CFAP58: variants seen among roughly 807,000 people sequenced by gnomAD.
CFAP58 encodes the protein cilia- and flagella-associated protein 58.
In CFAP58, 88 loss-of-function variants were observed where a neutral mutation model predicts 119.5. The observed-to-expected ratio is 0.74, with a 90% confidence interval of 0.62 to 0.88. The LOEUF (loss-of-function observed/expected upper bound fraction) is 0.88, where lower values mean the gene tolerates loss of function less well. Ranked by LOEUF, CFAP58 falls within the 40% of genes least tolerant of loss-of-function variation. The probability of loss-of-function intolerance (pLI) is 0.00; values close to 1 mark genes in which losing one functional copy is unlikely to be tolerated. For missense variants in CFAP58, 990 were observed against 1,021.2 expected, an observed-to-expected ratio of 0.97 and a Z score of 0.42; for synonymous variants, 365 against 366.3, an observed-to-expected ratio of 1.00 and a Z score of 0.04.
At chr10:104,450,324 A>C in intron 17 of CFAP58, 120 bp downstream of exon 17, 2 of 1,026,568 alleles carry the variant, frequency 1.9e-6, no homozygotes, top group East Asian at 2.4e-5. Flanking sequence ...CAGGGTAAAC[A>C]AATGACATTC....
chr10:104,350,554 C>T (rs569425684), upstream of CFAP58, among the ~76,000 whole-genome samples: 18 of 152,186 alleles, frequency 1.2e-4, no homozygotes, highest in South Asian at 8.3e-4. Flanking sequence ...ACATGTCACG[C>T]GCCTTTCTAC....
At chr10:104,430,992 TGGCTA>T (rs1266641245) in intron 15 of CFAP58, among the ~76,000 whole-genome samples, 12 of 152,322 alleles carry the variant, frequency 7.9e-5, no homozygotes, top group Middle Eastern at 3.4e-3. Flanking sequence ...TAGCCACGGG[TGGCTA>T]GTGGCTACCA....
At chr10:104,344,226 A>C in the CFAP58 span, among the ~76,000 whole-genome samples, 8 of 152,238 alleles carry the variant, frequency 5.3e-5, no homozygotes, top group Non-Finnish European at 1.0e-4. Context: ...GTTAATGTCT[A>C]AAGATGGTAC....
At chr10:104,428,875 G>A (rs1050333183) in intron 15 of CFAP58, among the ~76,000 whole-genome samples, 4 of 152,186 alleles carry the variant, frequency 2.6e-5, no homozygotes, top group African/African-American at 9.7e-5. Context: ...CTTAGATCAG[G>A]CCATCTGCCG....
In CFAP58 at chr10:104,372,496, G is replaced by C. The variant is rs374274040; in HGVS notation, c.1090+1442G>C. 3.4e-4 allele frequency among the ~76,000 whole-genome samples: 52 copies of C among 152,260 alleles called. 1 individual carries two copies. Among genetic ancestry groups the C allele is most frequent in the African/African-American group, 1.2e-3 (48 of 41,552 alleles). ...TTATCTCAACAGTTTCTCTGTTCAT[G>C]CATTCAGTAAATCAAACCCAGACTA... On this transcript the variant is annotated intron_variant, in intron 7 of 17. Coordinates refer to ENST00000369704, the MANE Select transcript of CFAP58 (RefSeq NM_001008723.2).
chr10:104,357,989 A>G (rs2014606556), intron 1 of CFAP58, among the ~76,000 whole-genome samples: 1 of 143,084 alleles, frequency 7.0e-6, no homozygotes, highest in African/African-American at 2.7e-5. Context: ...ATATGTACAC[A>G]TATATGTACA....
intron 15 of CFAP58, among the ~76,000 whole-genome samples, chr10:104,439,881 G>C (rs189587366): frequency 0.012 from 1,756 of 152,164 alleles, 25 homozygotes; most frequent in Middle Eastern, 0.038. Flanking sequence ...GTGCAGTGGC[G>C]CGATCTCGGC....
rs146505853 is a variant in CFAP58, at chr10:104,361,912, A to G, written c.292-111A>G. ...TAGCTCATGTTAAACAATTTAGTCAATGCACATTTATATAACTACACTGTG... is the reference window on the plus strand; with the variant it reads ...TAGCTCATGTTAAACAATTTAGTCAGTGCACATTTATATAACTACACTGTG... On this transcript the variant is annotated intron_variant, in intron 2 of 17. Transcript: ENST00000369704. 487 of 1,009,844 alleles carry G rather than the reference A, an allele frequency of 4.8e-4. 3 individuals carry two copies. In the African/African-American group the frequency reaches 7.0e-3, roughly 14 times the overall value. 62.6% of individuals were successfully genotyped at this position (1,009,844 alleles called of 1,614,324 possible).
rs745469569 is a variant in CFAP58, at chr10:104,365,998, A to G, written c.782A>G (p.Lys261Arg). The G allele has an allele frequency of 6.3e-7, 1 of 1,599,156 alleles. No individual in the cohort carries two copies. Among genetic ancestry groups the G allele is most frequent in the South Asian group, 1.1e-5 (1 of 88,424 alleles). The change falls in exon 5 of 18, where the codon AAG (lysine) becomes AGG (arginine). Residue 261 changes from lysine (K) to arginine (R), a missense_variant. Lys to Arg is a conservative substitution (Grantham distance 26). Coordinates refer to ENST00000369704, the MANE Select transcript of CFAP58 (RefSeq NM_001008723.2). ...CTTCAGAAGCTGGAGCAGCAGCTGAAGGAGCAGAAGGTGAGTTGGGTGTGG... is the reference window on the plus strand; with the variant it reads ...CTTCAGAAGCTGGAGCAGCAGCTGAGGGAGCAGAAGGTGAGTTGGGTGTGG... Reference protein sequence around the residue: ...EELQKLEQQLKEQKILNERAA... With the variant: ...EELQKLEQQLREQKILNERAA...
chr10:104,437,258 G>T (rs899253045), intron 15 of CFAP58, among the ~76,000 whole-genome samples: 5 of 152,224 alleles, frequency 3.3e-5, no homozygotes, highest in Non-Finnish European at 5.9e-5. Context: ...ATCTAAAAGT[G>T]AGAGCTGCTG....
chr10:104,433,037 G>T (rs1043363860), intron 15 of CFAP58, among the ~76,000 whole-genome samples: 3 of 152,184 alleles, frequency 2.0e-5, no homozygotes, highest in Non-Finnish European at 4.4e-5. Flanking sequence ...CTAAACCAAT[G>T]AAGAATATGA....
chr10:104,389,469 C>A (rs2011990767), intron 9 of CFAP58, among the ~76,000 whole-genome samples: 1 of 151,584 alleles, frequency 6.6e-6, no homozygotes. Flanking sequence ...ACTGAACAAA[C>A]AATTTTTTTC....
At chr10:104,376,977 G>A in intron 8 of CFAP58, 84 bp downstream of exon 8, 1 of 1,063,468 alleles carries the variant, frequency 9.4e-7, no homozygotes, top group Non-Finnish European at 1.4e-6. Flanking sequence ...GATGGGAAAA[G>A]AAAACTCCGA....
chr10:104,398,265 G>T (rs2133039939), intron 11 of CFAP58, among the ~76,000 whole-genome samples: 2 of 152,292 alleles, frequency 1.3e-5, no homozygotes, highest in South Asian at 4.2e-4. Flanking sequence ...CTCAAGTCTT[G>T]CTTATCTTCT....
intron 11 of CFAP58, among the ~76,000 whole-genome samples, chr10:104,395,665 C>G (rs2012135043): frequency 6.6e-6 from 1 of 152,188 alleles, no homozygotes; most frequent in African/African-American, 2.4e-5. Context: ...AATCACATTT[C>G]ACACAGGTCC....
intron 15 of CFAP58, among the ~76,000 whole-genome samples, chr10:104,427,068 A>G (rs2012762818): frequency 6.6e-6 from 1 of 152,224 alleles, no homozygotes; most frequent in Non-Finnish European, 1.5e-5. Flanking sequence ...GCCCAAGGAG[A>G]TTGAAATGAA....
At chr10:104,377,975 CTG>C (rs1305754799) in intron 8 of CFAP58, among the ~76,000 whole-genome samples, 5 of 152,180 alleles carry the variant, frequency 3.3e-5, no homozygotes, top group African/African-American at 1.2e-4. Context: ...CACATTTAAT[CTG>C]TTTATATTTT....
At chr10:104,434,979 C>G (rs2133083441) in intron 15 of CFAP58, among the ~76,000 whole-genome samples, 1 of 152,274 alleles carries the variant, frequency 6.6e-6, no homozygotes, top group Non-Finnish European at 1.5e-5. Context: ...GATTTATAGA[C>G]TTATTATAAG....
intron 9 of CFAP58, among the ~76,000 whole-genome samples, chr10:104,385,223 C>G (rs796271746): frequency 3.3e-5 from 5 of 152,122 alleles, no homozygotes; most frequent in African/African-American, 1.2e-4. Context: ...AGAAGAAATG[C>G]AATTCTTCCA....
Sources: gnomAD v4.1 joint callset for allele counts (sites outside exome capture counted in the v4.1 genomes callset) on GRCh38, gnomAD v4.1.1 for gene constraint, MANE v1.5 for transcripts, NCBI Gene and HGNC (gene_info 2026-07-23, HGNC 2026-07-21) for gene names.